The following NAF1 variants were observed in gnomAD, a reference collection of about 807,000 sequenced individuals.
NAF1 encodes the protein nuclear assembly factor 1 ribonucleoprotein, also known as H/ACA ribonucleoprotein complex non-core subunit NAF1.
Under a neutral mutation model 40.6 loss-of-function variants are expected in NAF1, and 11 were observed. The ratio of observed to expected loss-of-function variants is 0.27; its 90% CI spans 0.17 to 0.45. The LOEUF is 0.45. Ranked by LOEUF, NAF1 falls within the 20% of genes least tolerant of loss-of-function variation. NAF1 has a pLI of 1.00. For missense variants in NAF1, 607 were observed against 611.1 expected (o/e 0.99, Z 0.07); for synonymous variants, 260 against 228.5 (o/e 1.14, Z -1.24).
intron 2 of NAF1, among the ~76,000 whole-genome samples, chr4:163,154,374 T>C (rs1731878897): frequency 6.6e-6 from 1 of 152,190 alleles, no homozygotes; most frequent in Non-Finnish European, 1.5e-5. Flanking sequence ...AAAAGGTATA[T>C]AAAAACTAAA....
intron 2 of NAF1, among the ~76,000 whole-genome samples, chr4:163,162,133 C>G (rs1560809254): frequency 6.6e-6 from 1 of 152,122 alleles, no homozygotes; most frequent in African/African-American, 2.4e-5. Flanking sequence ...AAAGTCAACT[C>G]CAAGACTTTC....
intron 2 of NAF1, among the ~76,000 whole-genome samples, chr4:163,159,808 C>T (rs558685470): frequency 6.6e-6 from 1 of 152,176 alleles, no homozygotes; most frequent in South Asian, 2.1e-4. Context: ...CATTATATGC[C>T]TAAAGACACA....
intron 2 of NAF1, among the ~76,000 whole-genome samples, chr4:163,114,435 A>G (rs1268060651): frequency 6.6e-6 from 1 of 152,200 alleles, no homozygotes; most frequent in Non-Finnish European, 1.5e-5. Flanking sequence ...TATGCTGAAC[A>G]CAGGATTCCA....
chr4:163,134,497 T>A (rs1212095615), intron 6 of NAF1, among the ~76,000 whole-genome samples: 1 of 152,168 alleles, frequency 6.6e-6, no homozygotes, highest in African/African-American at 2.4e-5. Context: ...TCAGGTTAAA[T>A]CTGGTATCTG....
chr4:163,150,468 T>C (rs1165592201), intron 2 of NAF1, among the ~76,000 whole-genome samples: 1 of 152,154 alleles, frequency 6.6e-6, no homozygotes, highest in Non-Finnish European at 1.5e-5. Flanking sequence ...TTAAATAAAA[T>C]ATCCATATTT....
chr4:163,110,378 C>T (rs1730124024), intron 2 of NAF1: 2 of 652,336 alleles, frequency 3.1e-6, no homozygotes, highest in Non-Finnish European at 5.5e-6. Context: ...TTATAATTGT[C>T]CTATTGTATT....
Position 163,111,956 on chromosome 4 carries a change from T to C in NAF1, c.115-1666A>G, listed in dbSNP as rs1411048300. Among the ~76,000 whole-genome samples, 2 of 152,152 alleles carry C rather than the reference T, an allele frequency of 1.3e-5. 1 individual carries two copies. Among genetic ancestry groups the C allele is most frequent in the Non-Finnish European group, 2.9e-5 (2 of 68,020 alleles). ...GGTCAGACCATCATAGTTTGCACTG[T>C]AAAAGCCATTGATGACTTTGAAAAG... On this transcript the variant is annotated intron_variant, in intron 2 of 2. Transcript: ENST00000509434.
rs116078595 is a variant in NAF1 at position 163,143,783 on chromosome 4, G to A, written c.717+1999C>T. On this transcript the variant is annotated intron_variant, in intron 4 of 7. Transcript: ENST00000274054. ...AGGTGAGCCAGCTTTGGGCTAAACTGCCAAAGGAGAAAGGAAATGAGGAAA... is the reference window on the plus strand; with the variant it reads ...AGGTGAGCCAGCTTTGGGCTAAACTACCAAAGGAGAAAGGAAATGAGGAAA... 3.5e-3 allele frequency among the ~76,000 whole-genome samples: 535 copies of A among 152,248 alleles called. 4 individuals carry two copies. Among genetic ancestry groups the A allele is most frequent in the African/African-American group, 0.012 (509 of 41,542 alleles).
At chr4:163,142,931 C>A (rs535142603) in intron 4 of NAF1, among the ~76,000 whole-genome samples, 40 of 152,200 alleles carry the variant, frequency 2.6e-4, no homozygotes, top group African/African-American at 7.2e-4. Flanking sequence ...GTCATTCCAC[C>A]CAACTTAGGG....
intron 1 of NAF1, 107 bp downstream of exon 1, chr4:163,166,256 C>A: frequency 7.2e-7 from 1 of 1,385,984 alleles, no homozygotes. Context: ...ACGACCTGCC[C>A]ACCCTCCAGG....
intron 2 of NAF1, among the ~76,000 whole-genome samples, chr4:163,110,549 C>CT (rs1193006659): frequency 6.6e-6 from 1 of 152,074 alleles, no homozygotes; most frequent in Non-Finnish European, 1.5e-5. Flanking sequence ...TCAGGGGGAG[C>CT]TACTGTATCA....
intron 2 of NAF1, among the ~76,000 whole-genome samples, chr4:163,162,240 C>T (rs1400967738): frequency 6.6e-6 from 1 of 152,182 alleles, no homozygotes; most frequent in Admixed American, 6.5e-5. Context: ...ATACACTATC[C>T]TTAGTACTCA....
chr4:163,129,607 C>T (rs12649910), intron 7 of NAF1, among the ~76,000 whole-genome samples: 3,489 of 152,224 alleles, frequency 0.023, 132 homozygotes, highest in African/African-American at 0.064. Flanking sequence ...AAATGTGGCA[C>T]CATCCCTACA....
chr4:163,133,012 G>T, intron 7 of NAF1, 142 bp downstream of exon 7: 2 of 649,606 alleles, frequency 3.1e-6, no homozygotes, highest in Non-Finnish European at 2.6e-6. Flanking sequence ...CACACCTCCT[G>T]CTATGTAATG....
At chr4:163,135,318 A>G (rs1453615102) in intron 6 of NAF1, 1 of 152,214 alleles carries the variant, frequency 6.6e-6, no homozygotes, top group African/African-American at 2.4e-5. Flanking sequence ...AAATATTACA[A>G]AATTAAATCC....
intron 2 of NAF1, chr4:163,119,401 C>T (rs949791677): frequency 6.6e-6 from 1 of 152,186 alleles, no homozygotes; most frequent in African/African-American, 2.4e-5. Context: ...TTTCTGTCTT[C>T]AGATACTACT....
chr4:163,152,680 G>A (rs911477181), intron 2 of NAF1, among the ~76,000 whole-genome samples: 4 of 152,242 alleles, frequency 2.6e-5, no homozygotes, highest in African/African-American at 9.6e-5. Flanking sequence ...GTGACAGCGT[G>A]CTGGCAGTCC....
chr4:163,148,226 T>G lies in NAF1; in HGVS notation c.634+115A>C, dbSNP rs560913131. The G allele has an allele frequency of 3.3e-5, 17 of 521,014 alleles. No homozygotes were observed. The East Asian group carries it at 5.4e-4, about 17-fold the overall frequency. The allele number at this position is 521,014 out of a possible 1,614,324, so 32.3% of individuals were successfully genotyped here. On this transcript the variant is annotated intron_variant, in intron 3 of 7. Transcript: ENST00000274054. ...TTTATCCCTTCAAACTTAATGACTA[T>G]AAAATAAAGTGTTAATTACGTATGT...
At chr4:163,119,333 T>A (rs926126877) in intron 2 of NAF1, 1 of 152,230 alleles carries the variant, frequency 6.6e-6, no homozygotes, top group South Asian at 2.1e-4. Flanking sequence ...CTTCTTTTAA[T>A]GTAAGAATGA....
Sources: allele counts gnomAD v4.1 joint callset (sites outside exome capture counted in the v4.1 genomes callset), GRCh38; gene constraint gnomAD v4.1.1; transcripts MANE v1.5; gene names NCBI Gene and HGNC (gene_info 2026-07-23, HGNC 2026-07-21).